The following CAST variants were observed in gnomAD, a reference collection of about 807,000 sequenced individuals.
CAST encodes calpastatin, also known as MIR583 host.
A neutral mutation model predicts 119.6 loss-of-function variants in CAST; 76 were observed. The ratio of observed to expected loss-of-function variants is 0.64; its 90% CI spans 0.53 to 0.77. CAST has a LOEUF of 0.77. Ranked by LOEUF, CAST falls within the 30% of genes least tolerant of loss-of-function variation. The pLI is 0.00. For missense variants in CAST, 953 were observed against 946.5 expected, an observed-to-expected ratio of 1.01 and a Z score of -0.09; for synonymous variants, 319 against 331.6, an observed-to-expected ratio of 0.96 and a Z score of 0.41.
At chr5:96,198,465 G>A in the CAST span, among the ~76,000 whole-genome samples, 5 of 152,068 alleles carry the variant, frequency 3.3e-5, no homozygotes, top group Non-Finnish European at 5.9e-5. Flanking sequence ...GACCAGGAAA[G>A]CAGCGCTCCC....
chr5:95,966,518 G>A, the CAST span, among the ~76,000 whole-genome samples: 1 of 152,058 alleles, frequency 6.6e-6, no homozygotes, highest in African/African-American at 2.4e-5. Context: ...ACATCTACCT[G>A]TACACTTTCT....
At chr5:96,521,471 G>A (rs1745518381), upstream of CAST, among the ~76,000 whole-genome samples, 1 of 152,070 alleles carries the variant, frequency 6.6e-6, no homozygotes, top group Non-Finnish European at 1.5e-5. Context: ...TGCCCTACCT[G>A]ACTTGTGTGT....
chr5:96,514,940 C>T, the CAST span, among the ~76,000 whole-genome samples: 1 of 152,198 alleles, frequency 6.6e-6, no homozygotes, highest in East Asian at 1.9e-4. Context: ...TTAGTAGGGA[C>T]AGCATCTTGC....
At chr5:96,583,487 C>T (rs261238) in intron 1 of CAST, among the ~76,000 whole-genome samples, 42,629 of 151,976 alleles carry the variant, frequency 0.28, 7,272 homozygotes, top group Middle Eastern at 0.42. Flanking sequence ...TAAAGCTTAA[C>T]ATGGGCACAA....
chr5:95,973,961 T>A, the CAST span, among the ~76,000 whole-genome samples: 2 of 151,878 alleles, frequency 1.3e-5, no homozygotes, highest in East Asian at 3.9e-4. Flanking sequence ...AGCATTTAAG[T>A]TGAGTTTCTC....
At chr5:96,535,636 C>G (rs943892850) in intron 1 of CAST, among the ~76,000 whole-genome samples, 20 of 137,966 alleles carry the variant, frequency 1.4e-4, no homozygotes, top group Non-Finnish European at 3.0e-5. Flanking sequence ...TGCAGTGGCG[C>G]GATCTCGGCT....
intron 1 of CAST, among the ~76,000 whole-genome samples, chr5:96,627,998 A>C (rs1328341610): frequency 6.6e-6 from 1 of 152,232 alleles, no homozygotes; most frequent in Non-Finnish European, 1.5e-5. Flanking sequence ...TAGAAACAGA[A>C]TGTTTGTTGA....
the CAST span, among the ~76,000 whole-genome samples, chr5:96,467,719 TA>T: frequency 1.8e-4 from 27 of 150,752 alleles, no homozygotes; most frequent in East Asian, 9.8e-4. Context: ...TATTAAAAAG[TA>T]AAAAAAAACA....
chr5:96,015,384 G>A, the CAST span, among the ~76,000 whole-genome samples: 1 of 152,010 alleles, frequency 6.6e-6, no homozygotes, highest in African/African-American at 2.4e-5. Context: ...TTATGAACTG[G>A]ACTCACTTTA....
chr5:96,265,098 T>G, the CAST span, among the ~76,000 whole-genome samples: 1 of 152,206 alleles, frequency 6.6e-6, no homozygotes, highest in Non-Finnish European at 1.5e-5. Context: ...TAGATAATGC[T>G]GAACAGATCT....
the CAST span, among the ~76,000 whole-genome samples, chr5:95,993,025 T>A: frequency 5.3e-5 from 8 of 152,200 alleles, no homozygotes; most frequent in Admixed American, 5.2e-4. Context: ...TTTCATGACT[T>A]ATTATACAGC....
At chr5:96,537,988 A>G (rs1745848141) in intron 1 of CAST, among the ~76,000 whole-genome samples, 1 of 151,886 alleles carries the variant, frequency 6.6e-6, no homozygotes, top group African/African-American at 2.4e-5. Context: ...CCTCTCTTTC[A>G]CTTGGCCTCA....
chr5:96,355,602 A>G, the CAST span, among the ~76,000 whole-genome samples: 1 of 152,134 alleles, frequency 6.6e-6, no homozygotes, highest in Admixed American at 6.5e-5. Context: ...AGGAATCGCC[A>G]CCCTGTCTTC....
the CAST span, among the ~76,000 whole-genome samples, chr5:96,087,420 T>C: frequency 6.6e-6 from 1 of 152,234 alleles, no homozygotes; most frequent in Non-Finnish European, 1.5e-5. Flanking sequence ...TTTTCAACTT[T>C]CTACTTTTCA....
chr5:96,372,839 G>A, the CAST span, among the ~76,000 whole-genome samples: 1 of 152,086 alleles, frequency 6.6e-6, no homozygotes, highest in Non-Finnish European at 1.5e-5. Flanking sequence ...TGACTGAAAA[G>A]GACATCTTTT....
intron 1 of CAST, among the ~76,000 whole-genome samples, chr5:96,598,787 A>G (rs1299556471): frequency 6.6e-6 from 1 of 152,162 alleles, no homozygotes; most frequent in Non-Finnish European, 1.5e-5. Context: ...GGATGGCCCA[A>G]TCACATGAAG....
At chr5:96,191,937 T>G in the CAST span, among the ~76,000 whole-genome samples, 1 of 152,160 alleles carries the variant, frequency 6.6e-6, no homozygotes, top group Non-Finnish European at 1.5e-5. Flanking sequence ...AATTTCACGG[T>G]GACAAGAATG....
intron 1 of CAST, among the ~76,000 whole-genome samples, chr5:96,621,471 T>TA (rs1561433107): frequency 6.6e-6 from 1 of 152,166 alleles, no homozygotes; most frequent in East Asian, 1.9e-4. Flanking sequence ...TCAGGAAACT[T>TA]ACAGTCATGG....
chr5:96,240,735 CTTTTT>C, the CAST span, among the ~76,000 whole-genome samples: 4 of 102,442 alleles, frequency 3.9e-5, no homozygotes, highest in Non-Finnish European at 5.9e-5. Flanking sequence ...AGCTAACTTT[CTTTTT>C]TTTTTTTTTT....
Sources: allele counts gnomAD v4.1 joint callset (sites outside exome capture counted in the v4.1 genomes callset), GRCh38; gene constraint gnomAD v4.1.1; transcripts MANE v1.5; gene names NCBI Gene and HGNC (gene_info 2026-07-23, HGNC 2026-07-21).